The following INPP5A variants were observed in gnomAD, a reference collection of about 807,000 sequenced individuals.
INPP5A encodes 43 kDa inositol polyphosphate 5-phophatase.
Under a neutral mutation model 65.2 loss-of-function variants are expected in INPP5A, and 14 were observed. The observed-to-expected ratio is 0.21, with a 90% confidence interval of 0.14 to 0.34. INPP5A has a LOEUF of 0.34. INPP5A is among the 10% of genes least tolerant of loss of function. INPP5A has a pLI of 1.00. For missense variants in INPP5A, 431 were observed against 545.6 expected (o/e 0.79, Z 2.09); for synonymous variants, 207 against 208.3 (o/e 0.99, Z 0.05).
chr10:132,743,414 G>A (rs1174701732), intron 9 of INPP5A, among the ~76,000 whole-genome samples: 1 of 146,494 alleles, frequency 6.8e-6, no homozygotes, highest in Non-Finnish European at 1.5e-5. Context: ...CGGGAGTGAG[G>A]GCGAGCCCAC....
chr10:132,595,462 C>T (rs1353591165), intron 1 of INPP5A, among the ~76,000 whole-genome samples: 1 of 152,254 alleles, frequency 6.6e-6, no homozygotes, highest in Non-Finnish European at 1.5e-5. Context: ...GCCGTCCTCA[C>T]CTACATTGTG....
intron 1 of INPP5A, among the ~76,000 whole-genome samples, chr10:132,562,871 G>A (rs1416740794): frequency 1.3e-5 from 2 of 152,294 alleles, no homozygotes; most frequent in South Asian, 2.1e-4. Context: ...TCGCAGGCTC[G>A]GGGCGGTGGT....
intron 3 of INPP5A, among the ~76,000 whole-genome samples, chr10:132,646,452 G>C (rs2072496095): frequency 6.6e-6 from 1 of 152,194 alleles, no homozygotes; most frequent in Non-Finnish European, 1.5e-5. Context: ...GGCCCAACTG[G>C]GTCCTGCCTG....
At chr10:132,596,953 A>ACATGTGTGCGTGTGCGCG in intron 1 of INPP5A, among the ~76,000 whole-genome samples, 1 of 118,276 alleles carries the variant, frequency 8.5e-6, no homozygotes. Flanking sequence ...GCGTGTGTGC[A>ACATGTGTGCGTGTGCGCG]CACATGTGTG....
At chr10:132,586,092 G>A (rs1174330289) in intron 1 of INPP5A, among the ~76,000 whole-genome samples, 2 of 152,188 alleles carry the variant, frequency 1.3e-5, no homozygotes, top group Non-Finnish European at 2.9e-5. Flanking sequence ...TCTGCCCTTT[G>A]GGAAATGGGT....
chr10:132,773,581 C>T (rs932459408), intron 12 of INPP5A, among the ~76,000 whole-genome samples: 6 of 152,218 alleles, frequency 3.9e-5, no homozygotes, highest in African/African-American at 7.2e-5. Flanking sequence ...CTACTGCCTG[C>T]GAGCTGGGTG....
At chr10:132,572,003 G>C (rs1009860965) in intron 1 of INPP5A, among the ~76,000 whole-genome samples, 1 of 152,206 alleles carries the variant, frequency 6.6e-6, no homozygotes, top group African/African-American at 2.4e-5. Flanking sequence ...GGTCCCTCCT[G>C]ACTAGAAGAG....
chr10:132,715,298 T>A (rs952315082), intron 8 of INPP5A, among the ~76,000 whole-genome samples: 1 of 152,222 alleles, frequency 6.6e-6, no homozygotes, highest in African/African-American at 2.4e-5. Context: ...ACATTACAAC[T>A]GTGAAATCTC....
chr10:132,547,272 T>G lies in INPP5A; in HGVS notation c.75+9101T>G, dbSNP rs148122568. On this transcript the variant is annotated intron_variant, in intron 1 of 15. Coordinates refer to ENST00000368594, the MANE Select transcript of INPP5A (RefSeq NM_005539.5). The surrounding 1 kb of genome is among the most constrained non-coding windows in gnomAD (Gnocchi z 5.5). ...CAGGGAGGGCGTGGCTGTCACATGG[T>G]TTCTGGACTGTCAGCCTTTGGGCTG... Among the ~76,000 whole-genome samples, 30 of 152,236 alleles carry G rather than the reference T, an allele frequency of 2.0e-4. No homozygotes were observed. In the East Asian group the frequency reaches 5.8e-3, roughly 29 times the overall value.
intron 9 of INPP5A, among the ~76,000 whole-genome samples, chr10:132,740,974 T>C (rs1846261091): frequency 1.3e-5 from 2 of 152,160 alleles, no homozygotes; most frequent in Non-Finnish European, 2.9e-5. Context: ...CACACCTGCC[T>C]TCCCAGCACT....
chr10:132,765,252 G>T (rs78536832), intron 11 of INPP5A, among the ~76,000 whole-genome samples: 65 of 152,310 alleles, frequency 4.3e-4, no homozygotes, highest in African/African-American at 1.5e-3. Flanking sequence ...AGGGGGCAAG[G>T]CCATTTGCTG....
intron 4 of INPP5A, among the ~76,000 whole-genome samples, chr10:132,658,196 T>TTC (rs1471477114): frequency 6.6e-6 from 1 of 152,238 alleles, no homozygotes; most frequent in Non-Finnish European, 1.5e-5. Context: ...AGAAATGGTA[T>TTC]TCAGCAATAA....
intron 1 of INPP5A, among the ~76,000 whole-genome samples, chr10:132,578,424 G>A (rs566926765): frequency 1.3e-5 from 2 of 151,738 alleles, no homozygotes; most frequent in African/African-American, 4.8e-5. Flanking sequence ...TGCCGCCCCC[G>A]TGCCAGTCCC....
At chr10:132,712,273 T>C (rs1845651021) in intron 8 of INPP5A, among the ~76,000 whole-genome samples, 1 of 152,124 alleles carries the variant, frequency 6.6e-6, no homozygotes, top group Non-Finnish European at 1.5e-5. Flanking sequence ...ATTGTGTGTG[T>C]GCACACATGC....
intron 1 of INPP5A, among the ~76,000 whole-genome samples, chr10:132,542,395 G>A (rs995148731): frequency 7.2e-5 from 11 of 152,218 alleles, no homozygotes; most frequent in Admixed American, 6.5e-4. Flanking sequence ...CTGTGGGTAT[G>A]GAGTCGGTGA....
chr10:132,538,446 G>A lies in INPP5A; in HGVS notation c.75+275G>A, dbSNP rs955254092. 2.6e-5 allele frequency among the ~76,000 whole-genome samples: 4 copies of A among 152,122 alleles called. No individual in the cohort carries two copies. The highest frequency in any genetic ancestry group is 9.7e-5 in the African/African-American group (4 of 41,424). Reference sequence around the variant, plus strand: ...ACTCCAGCAGCTGACCGTTGACCCTGGGACCCTGCCTCTGAACTCCTGTCT... The same window carrying A: ...ACTCCAGCAGCTGACCGTTGACCCTAGGACCCTGCCTCTGAACTCCTGTCT... On this transcript the variant is annotated intron_variant, in intron 1 of 15. Transcript: ENST00000368594. The surrounding 1 kb of genome is among the most constrained non-coding windows in gnomAD (Gnocchi z 4.1).
At chr10:132,729,833 T>C (rs1276985545) in intron 9 of INPP5A, among the ~76,000 whole-genome samples, 1 of 152,224 alleles carries the variant, frequency 6.6e-6, no homozygotes, top group Non-Finnish European at 1.5e-5. Context: ...ATGGCTGTGC[T>C]TAAGGGGCTG....
chr10:132,732,986 A>G (rs1195030183), intron 9 of INPP5A, among the ~76,000 whole-genome samples: 1 of 152,150 alleles, frequency 6.6e-6, no homozygotes, highest in African/African-American at 2.4e-5. Context: ...ACAGTCCTGG[A>G]ACCTGGACAT....
At chr10:132,638,007 G>GTATTGCAAAGTCCAAGTGCAT (rs2072379376) in intron 2 of INPP5A, among the ~76,000 whole-genome samples, 1 of 152,138 alleles carries the variant, frequency 6.6e-6, no homozygotes, top group East Asian at 1.9e-4. Flanking sequence ...TCTTGTGTTG[G>GTATTGCAAAGTCCAAGTGCAT]TATTGCAAAG....
Sources: allele counts gnomAD v4.1 joint callset (sites outside exome capture counted in the v4.1 genomes callset), GRCh38; gene constraint gnomAD v4.1.1; non-coding constraint Gnocchi (gnomAD v3.1); transcripts MANE v1.5; gene names NCBI Gene and HGNC (gene_info 2026-07-23, HGNC 2026-07-21).